The following PARD3B variants were observed in gnomAD, a reference collection of about 807,000 sequenced individuals.
PARD3B encodes partitioning defective 3 homolog B.
In PARD3B, 103 loss-of-function variants were observed where a neutral mutation model predicts 130.2. The ratio of observed to expected loss-of-function variants is 0.79; its 90% CI spans 0.67 to 0.93. The LOEUF (loss-of-function observed/expected upper bound fraction) is 0.93, where lower values mean the gene tolerates loss of function less well. Ranked by LOEUF, PARD3B falls within the 40% of genes least tolerant of loss-of-function variation. The pLI, the probability that PARD3B is intolerant of heterozygous loss-of-function variation, is 0.00. For missense variants in PARD3B, 1,609 were observed against 1,499.2 expected (o/e 1.07, Z -1.21); for synonymous variants, 583 against 553.2 (o/e 1.05, Z -0.76).
At chr2:204,597,608 C>G (rs770311025) in intron 1 of PARD3B, among the ~76,000 whole-genome samples, 6 of 152,140 alleles carry the variant, frequency 3.9e-5, no homozygotes, top group Non-Finnish European at 8.8e-5. Context: ...CTTTTTTACT[C>G]TTAAGTAAAT....
chr2:204,597,263 T>G (rs1183891297), intron 1 of PARD3B, among the ~76,000 whole-genome samples: 1 of 152,088 alleles, frequency 6.6e-6, no homozygotes, highest in African/African-American at 2.4e-5. Context: ...TGCGTGTTTT[T>G]TTTTTGGTAG....
Position 205,416,280 on chromosome 2 carries a change from G to A in PARD3B, c.2741+15157G>A, listed in dbSNP as rs536861063. 2.6e-5 allele frequency among the ~76,000 whole-genome samples: 4 copies of A among 152,154 alleles called. No individual in the cohort carries two copies. In the East Asian group the frequency reaches 7.7e-4, roughly 29 times the overall value. On this transcript the variant is annotated intron_variant, in intron 19 of 22. Transcript: ENST00000406610. ...ACATAGATAGATAATATGTATATAG[G>A]CTTAATAGTGTCTGGTAATACCCTG...
At chr2:205,001,073 C>G (rs1213228198) in intron 3 of PARD3B, among the ~76,000 whole-genome samples, 1 of 152,176 alleles carries the variant, frequency 6.6e-6, no homozygotes, top group Non-Finnish European at 1.5e-5. Context: ...ACTGCAACCT[C>G]TGCCTCCCAG....
At chr2:205,296,940 C>T (rs1182717259) in intron 16 of PARD3B, among the ~76,000 whole-genome samples, 1 of 150,972 alleles carries the variant, frequency 6.6e-6, no homozygotes, top group Non-Finnish European at 1.5e-5. Context: ...AATTTGGCAC[C>T]TGACATTAAG....
At position 205,243,380 on chromosome 2, in the gene PARD3B, A is replaced by G. The variant is rs114428089; in HGVS notation, c.2141-2398A>G. On this transcript the variant is annotated intron_variant, in intron 15 of 22. Transcript: ENST00000406610. ...AATCATCACCACAAACCTGTGGGGT[A>G]AGCAATATCCTCTTATGATGAGACT... is the stretch of plus-strand genomic sequence containing the variant. 2.7e-3 allele frequency among the ~76,000 whole-genome samples: 411 copies of G among 152,332 alleles called. 2 individuals carry two copies. The highest frequency in any genetic ancestry group is 9.3e-3 in the African/African-American group (387 of 41,576).
chr2:204,585,392 G>C (rs559812666), intron 1 of PARD3B, among the ~76,000 whole-genome samples: 1 of 152,182 alleles, frequency 6.6e-6, no homozygotes, highest in African/African-American at 2.4e-5. Flanking sequence ...GAGTGCAGTG[G>C]TGCAATCATA....
At chr2:204,786,664 A>G (rs2042019978) in intron 2 of PARD3B, among the ~76,000 whole-genome samples, 1 of 150,986 alleles carries the variant, frequency 6.6e-6, no homozygotes, top group African/African-American at 2.4e-5. Flanking sequence ...CTTAGGTTGG[A>G]TTTCCTTTTT....
At chr2:204,839,550 C>T (rs1029157736) in intron 2 of PARD3B, among the ~76,000 whole-genome samples, 3 of 152,122 alleles carry the variant, frequency 2.0e-5, no homozygotes, top group Non-Finnish European at 2.9e-5. Context: ...GCCATGCACT[C>T]GAAATTCTTA....
chr2:205,335,509 G>A (rs2105788912), intron 18 of PARD3B, among the ~76,000 whole-genome samples: 1 of 152,284 alleles, frequency 6.6e-6, no homozygotes, highest in Non-Finnish European at 1.5e-5. Context: ...AAGAGCTTTG[G>A]CACCAAGAGG....
At chr2:204,820,652 T>G (rs2043315889) in intron 2 of PARD3B, among the ~76,000 whole-genome samples, 2 of 151,658 alleles carry the variant, frequency 1.3e-5, no homozygotes, top group Admixed American at 1.3e-4. Context: ...TCATCTCTAC[T>G]AAAAATACAA....
intron 1 of PARD3B, among the ~76,000 whole-genome samples, chr2:204,581,653 A>G (rs1019999836): frequency 2.0e-5 from 3 of 152,132 alleles, no homozygotes; most frequent in Non-Finnish European, 2.9e-5. Flanking sequence ...GACCATATAT[A>G]CCATACCAGG....
chr2:205,531,026 C>A (rs1439740168), intron 21 of PARD3B, among the ~76,000 whole-genome samples: 2 of 152,076 alleles, frequency 1.3e-5, no homozygotes, highest in Non-Finnish European at 2.9e-5. Flanking sequence ...TATGGAAAAG[C>A]CAACAAGAGC....
intron 2 of PARD3B, among the ~76,000 whole-genome samples, chr2:204,820,169 G>T (rs1235044413): frequency 7.3e-6 from 1 of 137,006 alleles, no homozygotes; most frequent in African/African-American, 2.8e-5. Flanking sequence ...TCTACCTCCC[G>T]GGTTCAAGTG....
chr2:204,578,240 G>A lies in PARD3B; in HGVS notation c.120+32121G>A, dbSNP rs557356277. Among the ~76,000 whole-genome samples, 8 of 152,282 alleles carry A rather than the reference G, an allele frequency of 5.3e-5. No individual in the cohort carries two copies. In the South Asian group the frequency reaches 1.7e-3, roughly 32 times the overall value. ...GGCTGAAGAGTAACAAGGAAGCAGG[G>A]TAGAGCTGATACTAAACTTACATAG... is the stretch of plus-strand genomic sequence containing the variant. On this transcript the variant is annotated intron_variant, in intron 1 of 22. Coordinates refer to ENST00000406610, the MANE Select transcript of PARD3B (RefSeq NM_001302769.2).
At chr2:205,566,419 G>A (rs1026209200) in intron 22 of PARD3B, among the ~76,000 whole-genome samples, 7 of 152,164 alleles carry the variant, frequency 4.6e-5, no homozygotes, top group African/African-American at 1.7e-4. Context: ...AGTGGGAGGA[G>A]CTGATGAACC....
chr2:204,576,451 G>C (rs2032264480), intron 1 of PARD3B, among the ~76,000 whole-genome samples: 1 of 152,002 alleles, frequency 6.6e-6, no homozygotes, highest in Non-Finnish European at 1.5e-5. Flanking sequence ...TTGCGGCAAA[G>C]TTTTTTTTCC....
At chr2:205,030,424 C>T (rs1274297052) in intron 3 of PARD3B, among the ~76,000 whole-genome samples, 1 of 151,998 alleles carries the variant, frequency 6.6e-6, no homozygotes, top group Non-Finnish European at 1.5e-5. Context: ...GAGATAGGTC[C>T]ACCAGTCACT....
At chr2:205,242,820 C>T (rs1014734568) in intron 15 of PARD3B, among the ~76,000 whole-genome samples, 6 of 152,074 alleles carry the variant, frequency 3.9e-5, no homozygotes, top group Admixed American at 2.6e-4. Flanking sequence ...TTAGTTCCAA[C>T]TCTCTGTGTA....
At chr2:205,494,633 C>T (rs2049857984) in intron 20 of PARD3B, among the ~76,000 whole-genome samples, 1 of 152,144 alleles carries the variant, frequency 6.6e-6, no homozygotes, top group Non-Finnish European at 1.5e-5. Flanking sequence ...TTGCAAAGAT[C>T]TGTGCAAATA....
Sources: allele counts gnomAD v4.1 joint callset (sites outside exome capture counted in the v4.1 genomes callset), GRCh38; gene constraint gnomAD v4.1.1; transcripts MANE v1.5; gene names NCBI Gene and HGNC (gene_info 2026-07-23, HGNC 2026-07-21).